Variants in GDPD1 observed in about 807,000 individuals in gnomAD.
The protein encoded by GDPD1 is lysophospholipase D GDPD1.
GDPD1 carries 28 observed loss-of-function variants against 45.1 expected under a neutral mutation model. The ratio of observed to expected loss-of-function variants is 0.62; its 90% CI spans 0.46 to 0.85. The LOEUF is 0.85. Ranked by LOEUF, GDPD1 falls within the 40% of genes least tolerant of loss-of-function variation. GDPD1 has a pLI of 0.00. For synonymous variants in GDPD1, 139 were observed against 131.4 expected (o/e 1.06, Z -0.40); for missense variants, 256 against 364.8 (o/e 0.70, Z 2.43).
chr17:59,247,997 TA>T (rs1332372119), intron 3 of GDPD1, among the ~76,000 whole-genome samples: 2 of 151,944 alleles, frequency 1.3e-5, no homozygotes, highest in Non-Finnish European at 2.9e-5. Context: ...TAGTTATTTA[TA>T]AAGATATATA....
intron 6 of GDPD1, among the ~76,000 whole-genome samples, chr17:59,258,818 G>A (rs942056931): frequency 2.0e-5 from 3 of 151,982 alleles, no homozygotes; most frequent in Non-Finnish European, 2.9e-5. Context: ...TTTTTTGTGT[G>A]TAATTTTGAG....
In GDPD1 at chr17:59,275,229, C is replaced by G; in HGVS notation, c.*1456C>G. The stretch of plus-strand genomic sequence containing the variant: ...CCTTAGTTAAAGAGGAAAAATAAAA[C>G]GGAAAAAAGCTTGGAAATCAGTGAT... On this transcript the variant is annotated 3_prime_UTR_variant, in exon 10 of 10. Coordinates refer to ENST00000284116, the MANE Select transcript of GDPD1 (RefSeq NM_182569.4). The G allele has an allele frequency of 6.6e-7, 1 of 1,522,276 alleles. No individual in the cohort carries two copies. The highest frequency in any genetic ancestry group is 8.8e-7 in the Non-Finnish European group (1 of 1,133,944). 94.3% of individuals were successfully genotyped at this position (1,522,276 alleles called of 1,614,324 possible). A position where few individuals can be genotyped will look rare whatever the true frequency, so the allele number is the denominator to read the frequency against.
chr17:59,257,310 T>A, intron 5 of GDPD1, 70 bp downstream of exon 5: 1 of 750,646 alleles, frequency 1.3e-6, no homozygotes, highest in Non-Finnish European at 2.3e-6. Flanking sequence ...TTAGAGTCAG[T>A]GACTGCATAG....
rs1323013058 is a variant in GDPD1, at chr17:59,275,155, T to G, written c.*1382T>G. 2 of 1,537,214 alleles carry G rather than the reference T, an allele frequency of 1.3e-6. No homozygotes were observed. The highest frequency in any genetic ancestry group is 3.9e-5 in the Admixed American group (2 of 50,986). On this transcript the variant is annotated 3_prime_UTR_variant, in exon 10 of 10. Transcript: ENST00000284116. ...CTGCACCCGGCCAGTAAAAGAAATT[T>G]TGAAGGCCATTGCAGCTATTTGGTA...
chr17:59,235,656 A>C (rs538401407), intron 2 of GDPD1, among the ~76,000 whole-genome samples: 1 of 152,110 alleles, frequency 6.6e-6, no homozygotes, highest in African/African-American at 2.4e-5. Context: ...ATCTCTACTA[A>C]AAATACAAAA....
At chr17:59,267,947 G>A (rs139826524) in intron 7 of GDPD1, among the ~76,000 whole-genome samples, 26 of 152,154 alleles carry the variant, frequency 1.7e-4, no homozygotes, top group South Asian at 6.2e-4. Context: ...GATTATAGGC[G>A]TGACCCGCCT....
At chr17:59,269,070 G>A (rs568792429) in intron 7 of GDPD1, among the ~76,000 whole-genome samples, 12 of 150,418 alleles carry the variant, frequency 8.0e-5, no homozygotes, top group African/African-American at 2.7e-4. Flanking sequence ...AGGCTGAGGC[G>A]GGTGGATCAC....
intron 1 of GDPD1, among the ~76,000 whole-genome samples, chr17:59,232,133 A>G (rs185582206): frequency 1.6e-4 from 25 of 152,298 alleles, no homozygotes; most frequent in African/African-American, 5.8e-4. Flanking sequence ...TGACCTCCTT[A>G]CATATACAAA....
intron 1 of GDPD1, among the ~76,000 whole-genome samples, chr17:59,232,077 CTT>C (rs2047094675): frequency 6.6e-6 from 1 of 152,128 alleles, no homozygotes; most frequent in Non-Finnish European, 1.5e-5. Context: ...AAGTTGGTGA[CTT>C]TTAAGGATGC....
intron 5 of GDPD1, 121 bp from the exon 6 acceptor site, chr17:59,257,630 T>G: frequency 1.6e-6 from 1 of 637,194 alleles, no homozygotes; most frequent in South Asian, 1.9e-5. Flanking sequence ...TACATATTGA[T>G]TCTTCCAAAA....
At chr17:59,222,987 T>C (rs1040366522) in intron 1 of GDPD1, among the ~76,000 whole-genome samples, 16 of 152,220 alleles carry the variant, frequency 1.1e-4, no homozygotes, top group Non-Finnish European at 2.1e-4. Context: ...ATCAAAATTT[T>C]ATTTTAGAAG....
At chr17:59,233,958 GTTCTATCCCCAAGATCT>G (rs1367557611) in intron 1 of GDPD1, among the ~76,000 whole-genome samples, 4 of 152,118 alleles carry the variant, frequency 2.6e-5, no homozygotes, top group African/African-American at 7.2e-5. Context: ...TTAGGCTTGG[GTTCTATCCCCAAGATCT>G]CTCATTATAT....
At chr17:59,255,496 C>T (rs1229567535) in intron 4 of GDPD1, among the ~76,000 whole-genome samples, 1 of 151,004 alleles carries the variant, frequency 6.6e-6, no homozygotes, top group Admixed American at 6.6e-5. Context: ...AATCCCAGCA[C>T]TTTGGGAGGC....
At chr17:59,243,145 C>T (rs1016298839) in intron 2 of GDPD1, among the ~76,000 whole-genome samples, 7 of 151,902 alleles carry the variant, frequency 4.6e-5, no homozygotes, top group Middle Eastern at 3.2e-3. Flanking sequence ...CCCAAGATCA[C>T]GCCACTGCAC....
rs945204875 is a variant in GDPD1, at chr17:59,250,223, A to G, written c.367+1438A>G. On this transcript the variant is annotated intron_variant, in intron 4 of 9. Transcript: ENST00000284116. The stretch of plus-strand genomic sequence containing the variant: ...ACGATTATACTTGCCAAACTATTGT[A>G]ATATTTGTGTCAATTTTGGACTTGT... Among the ~76,000 whole-genome samples the G allele has an allele frequency of 1.8e-4, 27 of 152,326 alleles. No individual in the cohort carries two copies. In the East Asian group the frequency reaches 3.1e-3, roughly 17 times the overall value.
intron 2 of GDPD1, among the ~76,000 whole-genome samples, chr17:59,242,034 A>T (rs1429198287): frequency 6.6e-6 from 1 of 152,108 alleles, no homozygotes; most frequent in Non-Finnish European, 1.5e-5. Flanking sequence ...TGTCTTGTAG[A>T]TAAGAGATAA....
At chr17:59,231,483 T>G (rs977051529) in intron 1 of GDPD1, among the ~76,000 whole-genome samples, 2 of 151,664 alleles carry the variant, frequency 1.3e-5, no homozygotes, top group Non-Finnish European at 2.9e-5. Context: ...CCCACCACCA[T>G]GCCCAGCTAA....
At chr17:59,271,112 C>T (rs770936837) in intron 8 of GDPD1, 117 bp downstream of exon 8, 131 of 604,084 alleles carry the variant, frequency 2.2e-4, no homozygotes, top group Admixed American at 7.2e-4. Flanking sequence ...ACAAATTGAG[C>T]ACCTGCTATG....
chr17:59,265,395 C>T (rs749393374), intron 6 of GDPD1, among the ~76,000 whole-genome samples: 172 of 150,994 alleles, frequency 1.1e-3, no homozygotes, highest in Non-Finnish European at 2.3e-3. Flanking sequence ...AAAATTAGCT[C>T]GGCATGGTGG....
Sources: gnomAD v4.1 joint callset for allele counts (sites outside exome capture counted in the v4.1 genomes callset) on GRCh38, gnomAD v4.1.1 for gene constraint, MANE v1.5 for transcripts, NCBI Gene and HGNC (gene_info 2026-07-23, HGNC 2026-07-21) for gene names.